ESR1: variants seen among roughly 807,000 people sequenced by gnomAD.
ESR1 encodes estrogen receptor 1.
A neutral mutation model predicts 52.7 loss-of-function variants in ESR1; 12 were observed. That is an observed-to-expected ratio of 0.23 (90% CI 0.15 to 0.37). The LOEUF is 0.37. ESR1 is among the 10% of genes least tolerant of loss of function. The pLI, the probability that ESR1 is intolerant of heterozygous loss-of-function variation, is 1.00. For missense variants in ESR1, 584 were observed against 779.7 expected, an observed-to-expected ratio of 0.75 and a Z score of 2.99; for synonymous variants, 305 against 316.8, an observed-to-expected ratio of 0.96 and a Z score of 0.39.
chr6:151,882,392 G>T (rs1793093675), intron 3 of ESR1, among the ~76,000 whole-genome samples: 2 of 152,140 alleles, frequency 1.3e-5, no homozygotes, highest in African/African-American at 4.8e-5. Context: ...AATTCAAAGG[G>T]TAATTAATTC....
At chr6:152,031,881 A>G (rs1584915290) in intron 5 of ESR1, among the ~76,000 whole-genome samples, 1 of 152,346 alleles carries the variant, frequency 6.6e-6, no homozygotes, top group Non-Finnish European at 1.5e-5. Context: ...CATCGATGCA[A>G]AAATCCTGAG....
intron 4 of ESR1, among the ~76,000 whole-genome samples, chr6:152,011,083 CATA>C (rs2042726982): frequency 6.6e-6 from 1 of 152,074 alleles, no homozygotes. Context: ...CCGAAGTAAT[CATA>C]ATGTCACCTT....
intron 6 of ESR1, among the ~76,000 whole-genome samples, chr6:152,110,482 C>T (rs1236789268): frequency 6.6e-6 from 1 of 151,730 alleles, no homozygotes; most frequent in Non-Finnish European, 1.5e-5. Context: ...ATGATGAGAA[C>T]ACAGGGATAC....
At chr6:152,124,980 C>CT (rs766200641) in intron 6 of ESR1, among the ~76,000 whole-genome samples, 7 of 152,192 alleles carry the variant, frequency 4.6e-5, no homozygotes, top group Non-Finnish European at 8.8e-5. Flanking sequence ...TACTTATTAA[C>CT]TTCATTTTAC....
At chr6:152,106,517 G>A (rs947111920), downstream of ESR1, among the ~76,000 whole-genome samples, 3 of 152,138 alleles carry the variant, frequency 2.0e-5, no homozygotes, top group Non-Finnish European at 2.9e-5. Flanking sequence ...TTGAAGCGCG[G>A]TTTGTAGTTT....
At position 151,808,200 on chromosome 6, in the gene ESR1, T is replaced by A. The variant is rs749296901; in HGVS notation, c.288T>A (p.Gly96=). 1 of 1,567,352 alleles carries A rather than the reference T, an allele frequency of 6.4e-7. No homozygotes were observed. Residue 96 remains glycine (G), a synonymous_variant, in exon 1 of 8, where the codon GGT becomes GGA. Transcript: ENST00000206249. ...CGTTCGGCTCCAACGGCCTGGGGGGTTTCCCCCCACTCAACAGCGTGTCTC... is the reference window on the plus strand; with the variant it reads ...CGTTCGGCTCCAACGGCCTGGGGGGATTCCCCCCACTCAACAGCGTGTCTC... ...AAAFGSNGLG[G]FPPLNSVSPS...
chr6:151,821,703 A>G (rs775252139), intron 1 of ESR1, among the ~76,000 whole-genome samples: 7 of 152,320 alleles, frequency 4.6e-5, no homozygotes, highest in Non-Finnish European at 5.9e-5. Context: ...TATTGACAGA[A>G]TTAAAAAAAT....
At chr6:151,661,133 G>A (rs1284658148) in intron 1 of ESR1, among the ~76,000 whole-genome samples, 1 of 151,896 alleles carries the variant, frequency 6.6e-6, no homozygotes, top group African/African-American at 2.4e-5. Context: ...AAAAAATAAT[G>A]TAATGCAATT....
chr6:151,943,053 C>A (rs9340899), intron 3 of ESR1, among the ~76,000 whole-genome samples: 1 of 152,136 alleles, frequency 6.6e-6, no homozygotes, highest in South Asian at 2.1e-4. Flanking sequence ...CACCCCATTT[C>A]GTAATTTAGT....
At chr6:151,874,257 C>T (rs1479721245) in intron 2 of ESR1, among the ~76,000 whole-genome samples, 4 of 152,092 alleles carry the variant, frequency 2.6e-5, no homozygotes, top group African/African-American at 9.7e-5. Context: ...ATGAAAGTCT[C>T]CTTGACTTTA....
At chr6:151,721,254 T>C (rs1389062251) in intron 2 of ESR1, among the ~76,000 whole-genome samples, 2 of 152,176 alleles carry the variant, frequency 1.3e-5, no homozygotes, top group Non-Finnish European at 2.9e-5. Context: ...ACCATTTGGG[T>C]AACAAGATAG....
intron 2 of ESR1, among the ~76,000 whole-genome samples, chr6:151,865,104 A>C (rs1789632665): frequency 1.3e-5 from 2 of 152,128 alleles, no homozygotes; most frequent in South Asian, 4.1e-4. Flanking sequence ...TATTTAAAAA[A>C]TCTACAGTCC....
chr6:152,121,170 C>A (rs1440286359), intron 6 of ESR1, among the ~76,000 whole-genome samples: 1 of 152,174 alleles, frequency 6.6e-6, no homozygotes, highest in East Asian at 1.9e-4. Context: ...TCACATAATT[C>A]CATGAAGTCC....
At chr6:151,838,346 G>A (rs549645564) in intron 1 of ESR1, among the ~76,000 whole-genome samples, 78 of 152,350 alleles carry the variant, frequency 5.1e-4, no homozygotes, top group Middle Eastern at 3.4e-3. Flanking sequence ...GCAGCAGGAA[G>A]AGAGGAGGTG....
intron 1 of ESR1, among the ~76,000 whole-genome samples, chr6:151,682,210 T>C (rs1401090108): frequency 6.6e-6 from 1 of 152,278 alleles, no homozygotes; most frequent in Non-Finnish European, 1.5e-5. Flanking sequence ...ACCTTTGTTT[T>C]CACTCTATTT....
At position 152,005,528 on chromosome 6, in the gene ESR1, A is replaced by G. The variant is rs1291840252; in HGVS notation, c.1097-6128A>G. The stretch of plus-strand genomic sequence containing the variant: ...CAAAACATTTCTCTTGGTGTTTTGC[A>G]AAAGTAATGCTTTCTTCTATTGGGC... On this transcript the variant is annotated intron_variant, in intron 4 of 7. Transcript: ENST00000206249. 3.3e-5 allele frequency among the ~76,000 whole-genome samples: 5 copies of G among 152,152 alleles called. No individual in the cohort carries two copies. In the South Asian group the frequency reaches 1.0e-3, roughly 32 times the overall value.
intron 4 of ESR1, among the ~76,000 whole-genome samples, chr6:151,968,860 C>G (rs538577786): frequency 6.6e-6 from 1 of 152,130 alleles, no homozygotes; most frequent in Non-Finnish European, 1.5e-5. Context: ...TCCTCTGTGC[C>G]AGGTCCTGGT....
At chr6:152,039,617 G>A (rs1197012712) in intron 5 of ESR1, among the ~76,000 whole-genome samples, 1 of 152,158 alleles carries the variant, frequency 6.6e-6, no homozygotes, top group Non-Finnish European at 1.5e-5. Context: ...AGGGGTGATG[G>A]TGAGTGGTGC....
chr6:151,715,325 T>G (rs1780944029), intron 2 of ESR1, among the ~76,000 whole-genome samples: 1 of 152,192 alleles, frequency 6.6e-6, no homozygotes, highest in Non-Finnish European at 1.5e-5. Flanking sequence ...TTGGGGTTGC[T>G]CTTCTCGAGA....
Sources: allele counts gnomAD v4.1 joint callset (sites outside exome capture counted in the v4.1 genomes callset), GRCh38; gene constraint gnomAD v4.1.1; transcripts MANE v1.5; gene names NCBI Gene and HGNC (gene_info 2026-07-23, HGNC 2026-07-21).